Variants in DPP10 observed in about 807,000 individuals in gnomAD.
The protein encoded by DPP10 is inactive dipeptidyl peptidase 10.
Under a neutral mutation model 120.9 loss-of-function variants are expected in DPP10, and 33 were observed. The observed-to-expected ratio is 0.27, with a 90% CI of 0.21 to 0.37. DPP10 has a LOEUF of 0.37. Among genes scored for constraint, DPP10 ranks in the 10% least tolerant of loss-of-function variants. The probability of loss-of-function intolerance (pLI) is 1.00; values close to 1 mark genes in which losing one functional copy is unlikely to be tolerated. For synonymous variants in DPP10, 337 were observed against 326.1 expected, an observed-to-expected ratio of 1.03 and a Z score of -0.36; for missense variants, 816 against 942.8, an observed-to-expected ratio of 0.87 and a Z score of 1.76.
rs142989934 is a variant in DPP10 at position 115,516,147 on chromosome 2, T to C, written c.367-9751T>C. The stretch of plus-strand genomic sequence containing the variant: ...TGTCTGCCTCAGCTCCTAAGCACAG[T>C]TGAGGAGATCAGCAGTGTTTGCAGA... On this transcript the variant is annotated intron_variant, in intron 4 of 25. Coordinates refer to ENST00000410059, the MANE Select transcript of DPP10 (RefSeq NM_020868.6). Among the ~76,000 whole-genome samples the C allele has an allele frequency of 1.5e-3, 221 of 152,170 alleles. 1 individual carries two copies. Among genetic ancestry groups the C allele is most frequent in the African/African-American group, 4.9e-3 (202 of 41,544 alleles).
intron 1 of DPP10, among the ~76,000 whole-genome samples, chr2:114,773,906 A>G (rs1385022505): frequency 2.6e-5 from 4 of 152,036 alleles, no homozygotes; most frequent in African/African-American, 9.7e-5. Context: ...ACTTTTTGAT[A>G]TTTCAAATAG....
intron 1 of DPP10, among the ~76,000 whole-genome samples, chr2:115,176,598 G>A (rs1445540216): frequency 1.3e-5 from 2 of 151,994 alleles, no homozygotes; most frequent in African/African-American, 2.4e-5. Flanking sequence ...TCCCACTTGC[G>A]GCTGATCAAT....
In DPP10 at chr2:115,777,238, C is replaced by G. The variant is rs1373614547; in HGVS notation, c.1252C>G (p.Leu418Val). ...AAGTGAGCAAATTACCGTGCGGCAT[C>G]TGACATCAGGAAACTGGGAAGTGAT... ...SKSEQITVRH[L>V]TSGNWEVIKI... The change falls in exon 14 of 26, where the codon CTG becomes GTG. Residue 418 changes from leucine (L) to valine (V), a missense_variant. Transcript: ENST00000410059. 1 of 1,613,042 alleles carries G rather than the reference C, an allele frequency of 6.2e-7. No homozygotes were observed. The highest frequency in any genetic ancestry group is 8.5e-7 in the Non-Finnish European group (1 of 1,179,308).
At chr2:115,034,257 T>C (rs1438175542) in intron 1 of DPP10, among the ~76,000 whole-genome samples, 2 of 152,194 alleles carry the variant, frequency 1.3e-5, no homozygotes, top group African/African-American at 4.8e-5. Context: ...TTTCTTTCTA[T>C]GTCAGTTCAT....
intron 7 of DPP10, among the ~76,000 whole-genome samples, chr2:115,690,545 T>TA (rs2091260463): frequency 6.6e-6 from 1 of 152,084 alleles, no homozygotes; most frequent in Admixed American, 6.5e-5. Context: ...CCTGAGTACT[T>TA]GGGATTACAG....
At chr2:115,515,424 T>C (rs758857936) in intron 4 of DPP10, among the ~76,000 whole-genome samples, 1 of 152,108 alleles carries the variant, frequency 6.6e-6, no homozygotes, top group Non-Finnish European at 1.5e-5. Context: ...TTAATCCTTA[T>C]GTTGATTTAC....
intron 1 of DPP10, among the ~76,000 whole-genome samples, chr2:115,169,583 C>G (rs1490033372): frequency 6.6e-6 from 1 of 152,184 alleles, no homozygotes; most frequent in East Asian, 1.9e-4. Context: ...TCACAAAAGA[C>G]TTAGAGTCTT....
At chr2:115,801,649 G>T (rs190847134) in intron 19 of DPP10, among the ~76,000 whole-genome samples, 2,777 of 152,138 alleles carry the variant, frequency 0.018, 87 homozygotes, top group African/African-American at 0.061. Flanking sequence ...TGAAGCGCTA[G>T]TGAATTTTGT....
At chr2:114,870,613 C>T (rs184410982) in intron 1 of DPP10, among the ~76,000 whole-genome samples, 932 of 86,060 alleles carry the variant, frequency 0.011, 142 homozygotes, top group African/African-American at 0.03. Context: ...GAAGATGTCA[C>T]CCTAGAAGTG....
chr2:114,729,287 CT>C (rs1251486469), intron 1 of DPP10, among the ~76,000 whole-genome samples: 2 of 152,172 alleles, frequency 1.3e-5, no homozygotes, highest in African/African-American at 4.8e-5. Context: ...CAGATGAAGC[CT>C]CCAGGGAAAC....
chr2:114,455,725 A>G (rs1573387908), intron 1 of DPP10, among the ~76,000 whole-genome samples: 1 of 67,632 alleles, frequency 1.5e-5, no homozygotes, highest in South Asian at 4.8e-4. Context: ...CCACAAATTC[A>G]TTTGTTTTTT....
intron 7 of DPP10, among the ~76,000 whole-genome samples, chr2:115,725,332 T>C (rs1370987236): frequency 6.6e-6 from 1 of 152,158 alleles, no homozygotes; most frequent in Non-Finnish European, 1.5e-5. Flanking sequence ...AACTCAAGGA[T>C]AAACTTTGAT....
At chr2:115,695,762 A>C (rs2091551343) in intron 7 of DPP10, among the ~76,000 whole-genome samples, 1 of 152,190 alleles carries the variant, frequency 6.6e-6, no homozygotes, top group Admixed American at 6.5e-5. Flanking sequence ...TCAACAATAA[A>C]AAAATTACAA....
intron 1 of DPP10, among the ~76,000 whole-genome samples, chr2:114,524,384 A>G (rs1685324536): frequency 6.6e-6 from 1 of 152,174 alleles, no homozygotes; most frequent in African/African-American, 2.4e-5. Context: ...AGAGCCACTG[A>G]TGCTTCTGTG....
At chr2:115,467,408 C>T (rs1266758515) in intron 3 of DPP10, among the ~76,000 whole-genome samples, 1 of 151,912 alleles carries the variant, frequency 6.6e-6, no homozygotes, top group East Asian at 1.9e-4. Context: ...GAAACCCCAT[C>T]TCTACTAAAA....
chr2:114,903,103 T>G (rs1430577602), intron 1 of DPP10, among the ~76,000 whole-genome samples: 1 of 152,236 alleles, frequency 6.6e-6, no homozygotes, highest in East Asian at 1.9e-4. Flanking sequence ...ATTTACATTT[T>G]CTTCATGCCT....
intron 1 of DPP10, among the ~76,000 whole-genome samples, chr2:114,740,454 A>G (rs1185351450): frequency 6.6e-6 from 1 of 150,566 alleles, no homozygotes; most frequent in Non-Finnish European, 1.5e-5. Flanking sequence ...ACATGTATAC[A>G]TATGTAACTA....
At chr2:115,130,675 T>C (rs771591574) in intron 1 of DPP10, among the ~76,000 whole-genome samples, 19 of 152,200 alleles carry the variant, frequency 1.2e-4, no homozygotes, top group Non-Finnish European at 2.1e-4. Flanking sequence ...TTCTCCCACA[T>C]GCCTCTCTGA....
At chr2:114,978,875 A>G (rs4849367) in intron 1 of DPP10, among the ~76,000 whole-genome samples, 150,254 of 152,272 alleles carry the variant, frequency 0.99, 74,157 homozygotes, top group Middle Eastern at 1. Context: ...TATAAGAATT[A>G]TAGTTATTTC....
Sources: allele counts gnomAD v4.1 joint callset (sites outside exome capture counted in the v4.1 genomes callset), GRCh38; gene constraint gnomAD v4.1.1; transcripts MANE v1.5; gene names NCBI Gene and HGNC (gene_info 2026-07-23, HGNC 2026-07-21).